Variants in HNRNPA2B1 observed in about 807,000 individuals in gnomAD.
HNRNPA2B1 encodes heterogeneous nuclear ribonucleoprotein A2/B1.
In HNRNPA2B1, 3 loss-of-function variants were observed where a neutral mutation model predicts 46.3. That is an observed-to-expected ratio of 0.06 (90% CI 0.03 to 0.17). The LOEUF is 0.17. Ranked by LOEUF, HNRNPA2B1 falls within the 10% of genes least tolerant of loss-of-function variation. The probability of loss-of-function intolerance (pLI) is 1.00; values close to 1 mark genes in which losing one functional copy is unlikely to be tolerated. For synonymous variants in HNRNPA2B1, 225 were observed against 133.8 expected (o/e 1.68, Z -4.70); for missense variants, 221 against 418.9 (o/e 0.53, Z 4.12).
rs183805853 is a variant in HNRNPA2B1 at position 26,196,548 on chromosome 7, T to G, written c.577+9A>C. ...AACAAAAATAAAGAAGAAACAGAAT[T>G]AAAATTACCTCCTCTTCCACTCCTA... On this transcript the variant is annotated intron_variant, in intron 5 of 10. Transcript: ENST00000618183. The G allele has an allele frequency of 1.9e-6, 3 of 1,612,654 alleles. No homozygotes were observed. Among genetic ancestry groups the G allele is most frequent in the Admixed American group, 1.7e-5 (1 of 59,944 alleles).
chr7:26,195,118 T>TAA (rs1783400535), intron 7 of HNRNPA2B1, among the ~76,000 whole-genome samples: 1 of 110,762 alleles, frequency 9.0e-6, no homozygotes, highest in African/African-American at 3.9e-5. Context: ...AAAGAAACCA[T>TAA]ATTAAAAAAA....
At chr7:26,193,814 T>C (rs1783180796) in intron 7 of HNRNPA2B1, 120 bp from the exon 8 acceptor site, 8 of 890,938 alleles carry the variant, frequency 9.0e-6, no homozygotes, top group Non-Finnish European at 1.4e-5. Context: ...GAAATTCCTC[T>C]AAAATAGCTT....
At chr7:26,198,483 T>C (rs1584002245) in intron 1 of HNRNPA2B1, 1 of 152,286 alleles carries the variant, frequency 6.6e-6, no homozygotes, top group Non-Finnish European at 1.5e-5. Flanking sequence ...CAATACAGAA[T>C]ATGAATTACT....
In HNRNPA2B1 at chr7:26,190,596, T is replaced by TA. The variant is rs1469208591; in HGVS notation, c.*1763dup. ...GTAAGCCCTGAGTATCACATTCCTGTAAAGGCAATAAAGCCGGGCAATCAA... is the reference window on the plus strand; with the variant it reads ...GTAAGCCCTGAGTATCACATTCCTGTAAAAGGCAATAAAGCCGGGCAATCAA... On this transcript the variant is annotated 3_prime_UTR_variant, in exon 11 of 11. Transcript: ENST00000618183. The TA allele has an allele frequency of 6.6e-6, 1 of 152,198 alleles. No homozygotes were observed. Among genetic ancestry groups the TA allele is most frequent in the East Asian group, 1.9e-4 (1 of 5,202 alleles). The allele number at this position is 152,198 out of a possible 1,614,324, so 9.4% of individuals were successfully genotyped here.
chr7:26,192,277 G>C lies in HNRNPA2B1; in HGVS notation c.*83C>G, dbSNP rs1583962939. On this transcript the variant is annotated 3_prime_UTR_variant, in exon 11 of 11. Transcript: ENST00000618183. ...AGAGTTTCCTTAACATTGTTATTTC[G>C]ATAACCTGAAGCTGTTCTGTTACCT... 1 of 475,950 alleles carries C rather than the reference G, an allele frequency of 2.1e-6. No homozygotes were observed. Among genetic ancestry groups the C allele is most frequent in the Non-Finnish European group, 3.8e-6 (1 of 265,812 alleles). The allele number at this position is 475,950 out of a possible 1,614,324, so 29.5% of individuals were successfully genotyped here.
At chr7:26,192,730 T>TAA in intron 9 of HNRNPA2B1, among the ~76,000 whole-genome samples, 153 bp from the exon 10 acceptor site, 1 of 152,246 alleles carries the variant, frequency 6.6e-6, no homozygotes, top group East Asian at 1.9e-4. Flanking sequence ...ACTCAGGAGA[T>TAA]AAATTACTCG....
chr7:26,193,621 G>T lies in HNRNPA2B1; in HGVS notation c.795C>A (p.Gly265=). The change falls in exon 8 of 11, where the codon GGC becomes GGA. Residue 265 remains glycine (G), a synonymous_variant. Coordinates refer to ENST00000618183, the MANE Select transcript of HNRNPA2B1 (RefSeq NM_002137.4). ...GGYGGGGPGY[G]NQGGGYGGGY... ...CACCTCCGTAGCCCCCACCCTGGTT[G>T]CCATATCCAGGTCCTCCACCACCAT... The T allele has an allele frequency of 6.2e-7, 1 of 1,611,212 alleles. No individual in the cohort carries two copies. The highest frequency in any genetic ancestry group is 8.5e-7 in the Non-Finnish European group (1 of 1,179,008).
rs774366010 is a variant in HNRNPA2B1, at chr7:26,196,386, G to C, written c.658+15C>G. 21 of 1,597,396 alleles carry C rather than the reference G, an allele frequency of 1.3e-5. No homozygotes were observed. The highest frequency in any genetic ancestry group is 8.5e-5 in the Admixed American group (5 of 59,056). On this transcript the variant is annotated intron_variant, in intron 6 of 10. Coordinates refer to ENST00000618183, the MANE Select transcript of HNRNPA2B1 (RefSeq NM_002137.4). ...AGCACACTCATCCTTTAAACACGTA[G>C]AACTTGAAACTCACCAGATCCTCCT...
Position 26,191,973 on chromosome 7 carries a change from A to G in HNRNPA2B1, c.*387T>C, listed in dbSNP as rs573010137. On this transcript the variant is annotated 3_prime_UTR_variant, in exon 11 of 11. Transcript: ENST00000618183. Reference sequence around the variant, plus strand: ...CATGATCCTGGCTAATAGCTTTTCAAAACTTTGAGAAAAATCTTAAAAAAG... The same window carrying G: ...CATGATCCTGGCTAATAGCTTTTCAGAACTTTGAGAAAAATCTTAAAAAAG... 4 of 152,906 alleles carry G rather than the reference A, an allele frequency of 2.6e-5. No homozygotes were observed. The highest frequency in any genetic ancestry group is 2.1e-4 in the South Asian group (1 of 4,834). 9.5% of individuals were successfully genotyped at this position (152,906 alleles called of 1,614,324 possible). A position where few individuals can be genotyped will look rare whatever the true frequency, so the allele number is the denominator to read the frequency against.
intron 10 of HNRNPA2B1, 34 bp from the exon 11 acceptor site, chr7:26,192,372 T>C (rs1196628990): frequency 1.3e-5 from 9 of 692,862 alleles, no homozygotes; most frequent in African/African-American, 1.8e-5. Context: ...AAAAAAAAAA[T>C]AGGTTATGAA....
Position 26,193,558 on chromosome 7 carries a change from G to A in HNRNPA2B1, c.841+17C>T. On this transcript the variant is annotated intron_variant, in intron 8 of 10. Coordinates refer to ENST00000618183, the MANE Select transcript of HNRNPA2B1 (RefSeq NM_002137.4). ...AATTCCAAATTCCCACATAAAGGTT[G>A]CAGGTGAATTTATTACCTCCTCCAT... The A allele has an allele frequency of 1.3e-6, 2 of 1,574,396 alleles. No homozygotes were observed. Among genetic ancestry groups the A allele is most frequent in the Non-Finnish European group, 1.7e-6 (2 of 1,167,164 alleles).
intron 7 of HNRNPA2B1, among the ~76,000 whole-genome samples, chr7:26,195,477 G>A (rs1032485739): frequency 8.6e-5 from 13 of 151,800 alleles, no homozygotes; most frequent in South Asian, 2.1e-4. Context: ...ATCTAGTTAC[G>A]GGTTTAGACA....
Position 26,192,093 on chromosome 7 carries a change from A to G in HNRNPA2B1, c.*267T>C, listed in dbSNP as rs192474836. 6.4e-6 allele frequency: 1 copy of G among 156,474 alleles called. No homozygotes were observed. The highest frequency in any genetic ancestry group is 2.4e-5 in the African/African-American group (1 of 41,622). The allele number at this position is 156,474 out of a possible 1,614,324, so 9.7% of individuals were successfully genotyped here. A position where few individuals can be genotyped will look rare whatever the true frequency, so the allele number is the denominator to read the frequency against. ...AGACCACTAGAAAGAAACAACAATTAAAAAGCTAAGAAACTGTCTCAAAGG... is the reference window on the plus strand; with the variant it reads ...AGACCACTAGAAAGAAACAACAATTGAAAAGCTAAGAAACTGTCTCAAAGG... On this transcript the variant is annotated 3_prime_UTR_variant, in exon 11 of 11. Transcript: ENST00000618183.
rs768171787 is a variant in HNRNPA2B1 at position 26,196,794 on chromosome 7, G to A, written c.475+13C>T. 8.7e-6 allele frequency: 14 copies of A among 1,607,714 alleles called. No homozygotes were observed. In the Admixed American group the frequency reaches 1.8e-4, roughly 21 times the overall value. On this transcript the variant is annotated intron_variant, in intron 4 of 10. Transcript: ENST00000618183. ...ACTGGAAAAAAACAGTACATTTGTG[G>A]TTAGACACTTACATACGATTTTATC...
intron 7 of HNRNPA2B1, among the ~76,000 whole-genome samples, chr7:26,194,528 C>A (rs1245821469): frequency 7.0e-6 from 1 of 143,650 alleles, no homozygotes; most frequent in Non-Finnish European, 1.5e-5. Context: ...GCAAAACCCC[C>A]ACACCTCTAC....
At chr7:26,198,049 A>G (rs1783859670) in intron 1 of HNRNPA2B1, 1 of 438,152 alleles carries the variant, frequency 2.3e-6, no homozygotes, top group Non-Finnish European at 4.0e-6. Flanking sequence ...CTTTCTAAGG[A>G]AAAATAAACA....
At chr7:26,200,401 G>A (rs1235412689) in intron 1 of HNRNPA2B1, 171 bp downstream of exon 1, 2 of 719,952 alleles carry the variant, frequency 2.8e-6, no homozygotes, top group Admixed American at 2.0e-5. Context: ...GAAGCTGTTT[G>A]TACGCTCAGG....
rs553845721 is a variant in HNRNPA2B1, at chr7:26,197,154, C to T, written c.265-137G>A. On this transcript the variant is annotated intron_variant, in intron 3 of 10. Transcript: ENST00000618183. ...TATAAAATAGCTTTTAGGGACCTAG[C>T]TTTTGAAAAATAAGCTAGCTTAAGA... The T allele has an allele frequency of 4.3e-6, 5 of 1,149,658 alleles. No individual in the cohort carries two copies. In the African/African-American group the frequency reaches 7.8e-5, roughly 18 times the overall value. 71.2% of individuals were successfully genotyped at this position (1,149,658 alleles called of 1,614,324 possible).
At chr7:26,192,713 C>G in intron 9 of HNRNPA2B1, 136 bp from the exon 10 acceptor site, 1 of 709,312 alleles carries the variant, frequency 1.4e-6, no homozygotes, top group Middle Eastern at 2.4e-4. Flanking sequence ...AGCCAGTTAG[C>G]AGAATTACTC....
Sources: gnomAD v4.1 joint callset for allele counts (sites outside exome capture counted in the v4.1 genomes callset) on GRCh38, gnomAD v4.1.1 for gene constraint, MANE v1.5 for transcripts, NCBI Gene and HGNC (gene_info 2026-07-23, HGNC 2026-07-21) for gene names.